The following SLC8A1 variants were observed in gnomAD, a reference collection of about 807,000 sequenced individuals.
The protein encoded by SLC8A1 is solute carrier family 8 member A1, also known as sodium/calcium exchanger 1.
In SLC8A1, 18 loss-of-function variants were observed where a neutral mutation model predicts 68.3. The ratio of observed to expected loss-of-function variants is 0.26; its 90% CI spans 0.18 to 0.39. SLC8A1 has a LOEUF of 0.39. SLC8A1 is among the 10% of genes least tolerant of loss of function. The pLI, the probability that SLC8A1 is intolerant of heterozygous loss-of-function variation, is 1.00. For synonymous variants in SLC8A1, 475 were observed against 415.5 expected (o/e 1.14, Z -1.74); for missense variants, 985 against 1,156.7 (o/e 0.85, Z 2.15).
chr2:40,507,015 C>G (rs929974922), intron 1 of SLC8A1, among the ~76,000 whole-genome samples: 47 of 152,096 alleles, frequency 3.1e-4, no homozygotes, highest in African/African-American at 1.1e-3. Context: ...AAATGCACAA[C>G]TCACAAAATT....
chr2:40,382,587 T>G (rs1009164369), intron 2 of SLC8A1, among the ~76,000 whole-genome samples: 1 of 152,132 alleles, frequency 6.6e-6, no homozygotes, highest in African/African-American at 2.4e-5. Flanking sequence ...CTGCCTGATT[T>G]GATGTAAAGA....
intron 2 of SLC8A1, among the ~76,000 whole-genome samples, chr2:40,232,845 G>A (rs534104794): frequency 1.4e-3 from 190 of 140,632 alleles, no homozygotes; most frequent in Middle Eastern, 7.4e-3. Flanking sequence ...GAGAATATGC[G>A]GTGTTTGGTT....
intron 2 of SLC8A1, among the ~76,000 whole-genome samples, chr2:40,190,934 T>G (rs534850381): frequency 6.6e-6 from 1 of 152,094 alleles, no homozygotes; most frequent in African/African-American, 2.4e-5. Context: ...ACTGTGTGTG[T>G]GGGTGTGTGT....
At chr2:40,245,716 A>G (rs910086275) in intron 2 of SLC8A1, among the ~76,000 whole-genome samples, 22 of 152,040 alleles carry the variant, frequency 1.4e-4, no homozygotes, top group African/African-American at 4.8e-4. Flanking sequence ...TCTCTTGACT[A>G]TCTGCTGCTC....
chr2:40,151,990 G>A (rs775210754), intron 6 of SLC8A1, among the ~76,000 whole-genome samples: 2 of 152,188 alleles, frequency 1.3e-5, no homozygotes, highest in Non-Finnish European at 2.9e-5. Context: ...CATCAAGGAT[G>A]AATGGCTATT....
chr2:40,385,123 G>A (rs1040319593), intron 2 of SLC8A1, among the ~76,000 whole-genome samples: 1 of 152,034 alleles, frequency 6.6e-6, no homozygotes, highest in Non-Finnish European at 1.5e-5. Flanking sequence ...ATCCTGTAGT[G>A]ATGAAAAGTT....
intron 2 of SLC8A1, among the ~76,000 whole-genome samples, chr2:40,281,984 G>C (rs770862447): frequency 2.0e-5 from 3 of 152,094 alleles, no homozygotes; most frequent in South Asian, 4.1e-4. Context: ...TATTCTTCTA[G>C]AAAAGTATAA....
At chr2:40,320,512 C>T (rs1284795719) in intron 2 of SLC8A1, among the ~76,000 whole-genome samples, 1 of 151,964 alleles carries the variant, frequency 6.6e-6, no homozygotes, top group East Asian at 1.9e-4. Context: ...ATTTGATGTC[C>T]AAAAATAAGG....
At chr2:40,358,585 G>C (rs943725811) in intron 2 of SLC8A1, among the ~76,000 whole-genome samples, 3 of 152,130 alleles carry the variant, frequency 2.0e-5, no homozygotes, top group Non-Finnish European at 2.9e-5. Context: ...GCTGAACTGA[G>C]GATCAATTAA....
At chr2:40,326,458 A>T (rs1381258436) in intron 2 of SLC8A1, among the ~76,000 whole-genome samples, 1 of 151,740 alleles carries the variant, frequency 6.6e-6, no homozygotes, top group Admixed American at 6.6e-5. Context: ...AAAAAAAAAA[A>T]TGGTGAAGAA....
chr2:40,270,633 T>C (rs976130795), intron 2 of SLC8A1, among the ~76,000 whole-genome samples: 2 of 152,176 alleles, frequency 1.3e-5, no homozygotes, highest in South Asian at 2.1e-4. Context: ...TGTGATTAGA[T>C]TGGAACCACT....
intron 2 of SLC8A1, among the ~76,000 whole-genome samples, chr2:40,247,127 C>G (rs1278015608): frequency 6.6e-6 from 1 of 152,124 alleles, no homozygotes; most frequent in Admixed American, 6.5e-5. Flanking sequence ...TGGGCAGAAG[C>G]AAGGAGTTGG....
At chr2:40,444,832 A>G (rs1156807635) in intron 1 of SLC8A1, among the ~76,000 whole-genome samples, 1 of 152,190 alleles carries the variant, frequency 6.6e-6, no homozygotes, top group African/African-American at 2.4e-5. Context: ...AGAGTTGATA[A>G]ATTATGACAG....
At chr2:40,477,231 GTATCTGA>G (rs140857585) in intron 1 of SLC8A1, among the ~76,000 whole-genome samples, 6,912 of 152,154 alleles carry the variant, frequency 0.045, 342 homozygotes, top group Admixed American at 0.11. Context: ...AACTACCATG[GTATCTGA>G]TATCTGAAGA....
chr2:40,341,115 T>C (rs1667553577), intron 2 of SLC8A1, among the ~76,000 whole-genome samples: 1 of 152,184 alleles, frequency 6.6e-6, no homozygotes, highest in South Asian at 2.1e-4. Context: ...ACTCACCCTA[T>C]TGCCTTGTTT....
Position 40,247,324 on chromosome 2 carries a change from G to C in SLC8A1, c.1809-69469C>G, listed in dbSNP as rs140057998. Among the ~76,000 whole-genome samples the C allele has an allele frequency of 2.3e-3, 354 of 152,294 alleles. 1 individual carries two copies. Among genetic ancestry groups the C allele is most frequent in the African/African-American group, 7.9e-3 (330 of 41,570 alleles). ...CCTGAACAGCCAGGCTCTAGGTTAA[G>C]CCAAATCCAGAAGTATCTTGTTTTA... On this transcript the variant is annotated intron_variant, in intron 2 of 7. Coordinates refer to ENST00000406785, the Ensembl canonical transcript of SLC8A1.
chr2:40,170,239 C>A, intron 4 of SLC8A1, 42 bp downstream of exon 7: 1 of 1,562,462 alleles, frequency 6.4e-7, no homozygotes, highest in Non-Finnish European at 8.8e-7. Context: ...TTAAAGAACT[C>A]TGGGAGGCTG....
At chr2:40,406,905 T>A (rs1351454313) in intron 2 of SLC8A1, among the ~76,000 whole-genome samples, 2 of 152,186 alleles carry the variant, frequency 1.3e-5, no homozygotes, top group Non-Finnish European at 2.9e-5. Context: ...CATAGCACAG[T>A]AACAAGGCAA....
intron 2 of SLC8A1, among the ~76,000 whole-genome samples, chr2:40,382,213 C>T (rs777174951): frequency 6.6e-6 from 1 of 152,082 alleles, no homozygotes; most frequent in Non-Finnish European, 1.5e-5. Flanking sequence ...TAATGACCTG[C>T]CACAGAGTCT....
Sources: gnomAD v4.1 joint callset for allele counts (sites outside exome capture counted in the v4.1 genomes callset) on GRCh38, gnomAD v4.1.1 for gene constraint, MANE v1.5 for transcripts, NCBI Gene and HGNC (gene_info 2026-07-23, HGNC 2026-07-21) for gene names.